Variants in ATAD1 observed in about 807,000 individuals in gnomAD.
ATAD1 encodes ATPase family AAA domain containing 1, also known as outer mitochondrial transmembrane helix translocase.
ATAD1 carries 18 observed loss-of-function variants against 42.7 expected under a neutral mutation model. The observed-to-expected ratio is 0.42, with a 90% CI of 0.29 to 0.63. The LOEUF (loss-of-function observed/expected upper bound fraction) is 0.63. Among genes scored for constraint, ATAD1 ranks in the 20% least tolerant of loss-of-function variants. The pLI is 0.19. For synonymous variants in ATAD1, 132 were observed against 143.1 expected, an observed-to-expected ratio of 0.92 and a Z score of 0.55; for missense variants, 294 against 440.4, an observed-to-expected ratio of 0.67 and a Z score of 2.98.
At chr10:87,812,779 A>G (rs1199745942) in intron 2 of ATAD1, among the ~76,000 whole-genome samples, 1 of 152,206 alleles carries the variant, frequency 6.6e-6, no homozygotes, top group African/African-American at 2.4e-5. Flanking sequence ...TATCAGCCTC[A>G]GTCCACCCAA....
chr10:87,818,972 T>G (rs1857560969), upstream of ATAD1: 1 of 152,186 alleles, frequency 6.6e-6, no homozygotes, highest in Admixed American at 6.6e-5. Flanking sequence ...ATACACAAAC[T>G]GCCGGTGGGC....
chr10:87,764,182 G>A (rs957735473), intron 8 of ATAD1, among the ~76,000 whole-genome samples: 4 of 150,942 alleles, frequency 2.7e-5, no homozygotes, highest in African/African-American at 7.3e-5. Flanking sequence ...AAAATGGGCC[G>A]AGCGCAGTGG....
intron 1 of ATAD1, among the ~76,000 whole-genome samples, chr10:87,829,864 T>C (rs779403458): frequency 2.7e-4 from 41 of 152,242 alleles, no homozygotes; most frequent in Non-Finnish European, 5.1e-4. Context: ...AATGTGAACA[T>C]TGTTGAAATA....
At chr10:87,807,706 G>A (rs570444488) in intron 2 of ATAD1, among the ~76,000 whole-genome samples, 1 of 151,976 alleles carries the variant, frequency 6.6e-6, no homozygotes, top group South Asian at 2.1e-4. Context: ...AAAATAATAG[G>A]AAACACTTAT....
rs372778700 is a variant in ATAD1, at chr10:87,790,329, C to T, written c.363G>A (p.Arg121=). ...CCATACCTTTTGGAGGCTGCAGAAG[C>T]CTGGAATTCTCAAACAAATGTTTCT... ...IKKKHLFENS[R]LLQPPKGVLL... is the part of the protein sequence containing the mutation. Residue 121 remains arginine, a synonymous_variant, in exon 4 of 10, where the codon AGG becomes AGA. Transcript: ENST00000680024. 77 of 1,612,788 alleles carry T rather than the reference C, an allele frequency of 4.8e-5. 1 individual carries two copies. The highest frequency in any genetic ancestry group is 3.9e-4 in the South Asian group (35 of 90,884).
At chr10:87,798,083 C>T (rs898906258) in intron 2 of ATAD1, among the ~76,000 whole-genome samples, 3 of 152,074 alleles carry the variant, frequency 2.0e-5, no homozygotes, top group South Asian at 2.1e-4. Flanking sequence ...AAAGGCTTGT[C>T]CAGGAAACAC....
chr10:87,777,911 C>A (rs1303322779), intron 5 of ATAD1, among the ~76,000 whole-genome samples: 1 of 152,102 alleles, frequency 6.6e-6, no homozygotes, highest in African/African-American at 2.4e-5. Flanking sequence ...TCTGTAAAAT[C>A]TGTCCTATCA....
chr10:87,766,543 T>A (rs1193501060), intron 8 of ATAD1, among the ~76,000 whole-genome samples: 1 of 151,890 alleles, frequency 6.6e-6, no homozygotes, highest in African/African-American at 2.4e-5. Flanking sequence ...AAAAAATAAG[T>A]AAATAAAAGG....
intron 2 of ATAD1, among the ~76,000 whole-genome samples, chr10:87,793,473 A>C (rs1466556385): frequency 6.6e-6 from 1 of 152,252 alleles, no homozygotes; most frequent in Non-Finnish European, 1.5e-5. Flanking sequence ...TTGAATCCTA[A>C]GAGCCAATAC....
At chr10:87,779,521 C>T (rs142370804) in intron 5 of ATAD1, among the ~76,000 whole-genome samples, 1 of 152,218 alleles carries the variant, frequency 6.6e-6, no homozygotes, top group Non-Finnish European at 1.5e-5. Flanking sequence ...AATGATAAAT[C>T]TTTGAGGTGA....
At chr10:87,793,759 C>T (rs896670835) in intron 2 of ATAD1, among the ~76,000 whole-genome samples, 7 of 152,314 alleles carry the variant, frequency 4.6e-5, no homozygotes, top group African/African-American at 1.7e-4. Flanking sequence ...TGAAGGGACT[C>T]TGGTAAATCA....
chr10:87,836,769 T>C (rs1857937459), intron 1 of ATAD1, among the ~76,000 whole-genome samples: 1 of 152,170 alleles, frequency 6.6e-6, no homozygotes, highest in Non-Finnish European at 1.5e-5. Flanking sequence ...TGGTACTACG[T>C]TGTATTCTTT....
At chr10:87,825,664 T>C (rs1857714155) in intron 1 of ATAD1, among the ~76,000 whole-genome samples, 1 of 151,608 alleles carries the variant, frequency 6.6e-6, no homozygotes. Context: ...AGAGCTGTTA[T>C]TCTACATATA....
chr10:87,783,434 C>T (rs1333962987), intron 5 of ATAD1, among the ~76,000 whole-genome samples: 3 of 151,060 alleles, frequency 2.0e-5, no homozygotes, highest in Admixed American at 6.6e-5. Context: ...CACACCAAAA[C>T]ACCAAAATAA....
rs747265833 is a variant in ATAD1, at chr10:87,784,641, C to T, written c.412G>A (p.Gly138Ser). The part of the protein sequence containing the change: ...GVLLYGPPGC[G>S]KTLIAKATAK... ...GTGGCCTTGGCAATCAACGTTTTAC[C>T]ACAGCCTGGAGGCCCATAGAGAAGA... Residue 138 changes from glycine to serine, a missense_variant, in exon 5 of 10, where the codon GGT becomes AGT. Coordinates refer to ENST00000680024, the MANE Select transcript of ATAD1 (RefSeq NM_001321967.2). The T allele has an allele frequency of 1.2e-6, 2 of 1,612,966 alleles. No individual in the cohort carries two copies. Among genetic ancestry groups the T allele is most frequent in the East Asian group, 4.5e-5 (2 of 44,856 alleles).
At chr10:87,764,250 A>C (rs1367992314) in intron 8 of ATAD1, among the ~76,000 whole-genome samples, 1 of 152,102 alleles carries the variant, frequency 6.6e-6, no homozygotes, top group African/African-American at 2.4e-5. Context: ...ACTTGAGCTC[A>C]GTACTTCGAG....
At chr10:87,784,361 G>C (rs1199261929) in intron 5 of ATAD1, 109 bp downstream of exon 5, 2 of 1,018,982 alleles carry the variant, frequency 2.0e-6, no homozygotes, top group Non-Finnish European at 2.9e-6. Context: ...TGTTGGTTAT[G>C]TTCTTTGTTT....
At chr10:87,759,926 A>G in intron 8 of ATAD1, 1 of 221,284 alleles carries the variant, frequency 4.5e-6, no homozygotes. Context: ...TTTTAGATAA[A>G]CCATGAAATA....
chr10:87,837,341 T>C (rs1857948048), intron 1 of ATAD1, among the ~76,000 whole-genome samples: 1 of 152,248 alleles, frequency 6.6e-6, no homozygotes, highest in African/African-American at 2.4e-5. Flanking sequence ...CCAGCCAACC[T>C]TCTGTCAGTT....
Sources: allele counts gnomAD v4.1 joint callset (sites outside exome capture counted in the v4.1 genomes callset), GRCh38; gene constraint gnomAD v4.1.1; transcripts MANE v1.5; gene names NCBI Gene and HGNC (gene_info 2026-07-23, HGNC 2026-07-21).